Variants in SPON2 observed in about 807,000 individuals in gnomAD.
SPON2 encodes the protein spondin-2.
SPON2 carries 32 observed loss-of-function variants against 29.9 expected under a neutral mutation model. That is an observed-to-expected ratio of 1.07 (90% confidence interval 0.81 to 1.44). The LOEUF is 1.44. Among genes scored for constraint, SPON2 ranks in the 40% most tolerant of loss-of-function variants. The pLI, the probability that SPON2 is intolerant of heterozygous loss-of-function variation, is 0.00. For missense variants in SPON2, 541 were observed against 455.5 expected (o/e 1.19, Z -1.71); for synonymous variants, 248 against 209.1 (o/e 1.19, Z -1.61).
At chr4:1,190,645 G>T (rs1481918943) in intron 1 of SPON2, among the ~76,000 whole-genome samples, 1 of 152,188 alleles carries the variant, frequency 6.6e-6, no homozygotes. Context: ...ATTAGAGGCA[G>T]CCAGGTTGGC....
chr4:1,194,616 C>A (rs372853591), intron 1 of SPON2, among the ~76,000 whole-genome samples: 1 of 152,178 alleles, frequency 6.6e-6, no homozygotes, highest in Non-Finnish European at 1.5e-5. Context: ...CGGGAAGAGT[C>A]CCCCTGCTCT....
chr4:1,186,640 A>T (rs1243111062), intron 1 of SPON2, among the ~76,000 whole-genome samples: 1 of 152,182 alleles, frequency 6.6e-6, no homozygotes, highest in African/African-American at 2.4e-5. Flanking sequence ...TTATCTGATA[A>T]GGCACTAATA....
upstream of SPON2, chr4:1,208,788 C>T (rs987040509): frequency 3.3e-5 from 5 of 152,342 alleles, no homozygotes; most frequent in African/African-American, 1.2e-4. Context: ...CTGGTTTTAC[C>T]CATGAGGGGG....
intron 2 of SPON2, among the ~76,000 whole-genome samples, chr4:1,178,376 C>T (rs1157109857): frequency 6.6e-6 from 1 of 151,846 alleles, no homozygotes; most frequent in Non-Finnish European, 1.5e-5. Context: ...GATGGGGCCA[C>T]ATGGTCCAGT....
At chr4:1,206,396 C>T (rs540277459) in intron 1 of SPON2, among the ~76,000 whole-genome samples, 7 of 152,362 alleles carry the variant, frequency 4.6e-5, no homozygotes, top group Admixed American at 6.5e-5. Context: ...GGCCCCACCA[C>T]TGCTCTGCCA....
In SPON2 at chr4:1,204,730, G is replaced by A. The variant is rs144185900; in HGVS notation, c.-234+3150C>T. Among the ~76,000 whole-genome samples, 29 of 152,322 alleles carry A rather than the reference G, an allele frequency of 1.9e-4. No homozygotes were observed. The East Asian group carries it at 4.8e-3, about 25-fold the overall frequency. On this transcript the variant is annotated intron_variant, in intron 1 of 3. Coordinates refer to the SPON2 transcript ENST00000509233. ...CCCCGCTGTGGCAGCCGGCCAGCAC[G>A]AGGGACGGCACCTCGTGACGCCCAG...
At chr4:1,201,066 A>G (rs1728191027) in intron 1 of SPON2, 1 of 452,218 alleles carries the variant, frequency 2.2e-6, no homozygotes, top group African/African-American at 2.0e-5. Flanking sequence ...TCCCACCCTG[A>G]CGAGGTTGGC....
upstream of SPON2, among the ~76,000 whole-genome samples, chr4:1,175,568 G>A (rs1032929022): frequency 6.6e-6 from 1 of 151,570 alleles, no homozygotes; most frequent in Non-Finnish European, 1.5e-5. Flanking sequence ...CAGGCTGTGT[G>A]GGGGGAGTCT....
At chr4:1,190,897 G>T (rs767790056) in intron 1 of SPON2, among the ~76,000 whole-genome samples, 8 of 152,060 alleles carry the variant, frequency 5.3e-5, no homozygotes, top group Non-Finnish European at 8.8e-5. Flanking sequence ...TTCAATCAAA[G>T]AAGTACACAA....
At chr4:1,198,899 G>C (rs541112599), upstream of SPON2, 1 of 152,008 alleles carries the variant, frequency 6.6e-6, no homozygotes, top group Non-Finnish European at 1.5e-5. Flanking sequence ...GGCCAAGATC[G>C]TTCTACGTGG....
chr4:1,195,340 G>T (rs1728040661), upstream of SPON2, among the ~76,000 whole-genome samples: 1 of 152,152 alleles, frequency 6.6e-6, no homozygotes, highest in Admixed American at 6.5e-5. Context: ...ACTCCCACAG[G>T]CAACAGGACC....
chr4:1,167,494 C>T lies in SPON2; in HGVS notation c.974G>A (p.Cys325Tyr). ...PCPELEEEAE[C>Y]VPDNCV ...GTCTTAGACGCAGTTATCAGGGACG[C>T]ACTCAGCCTCTTCTTCGAGCTCGGG... Residue 325 changes from cysteine (C) to tyrosine (Y), a missense_variant, in exon 6 of 6, where the codon TGC becomes TAC. Transcript: ENST00000290902. 1.2e-6 allele frequency: 2 copies of T among 1,613,636 alleles called. No homozygotes were observed. Among genetic ancestry groups the T allele is most frequent in the Non-Finnish European group, 1.7e-6 (2 of 1,179,922 alleles).
intron 1 of SPON2, among the ~76,000 whole-genome samples, chr4:1,180,208 T>C (rs1456859326): frequency 6.6e-6 from 1 of 152,188 alleles, no homozygotes; most frequent in African/African-American, 2.4e-5. Context: ...AAGCATTCTC[T>C]AATGCATAGA....
upstream of SPON2, among the ~76,000 whole-genome samples, chr4:1,175,050 G>T (rs192234478): frequency 1.3e-4 from 20 of 152,352 alleles, no homozygotes; most frequent in East Asian, 3.7e-3. Context: ...ACTGGCAGCC[G>T]CTGCTCAGAG....
At position 1,172,046 on chromosome 4, in the gene SPON2, G is replaced by T. The variant is rs1445533675; in HGVS notation, c.26C>A (p.Ala9Asp). Reference protein sequence around the residue: MENPSPAAALGKALCALLL... With the variant: MENPSPAADLGKALCALLL... ...GAGAGCGCAGAGGGCCTTGCCCAGGGCGGCGGCCGGGCTGGGGTTTTCCAT... is the reference window on the plus strand; with the variant it reads ...GAGAGCGCAGAGGGCCTTGCCCAGGTCGGCGGCCGGGCTGGGGTTTTCCAT... Residue 9 changes from alanine to aspartate, a missense_variant, in exon 2 of 6, where the codon GCC becomes GAC. Physicochemically the swap from Ala to Asp is moderately radical, Grantham distance 126 (BLOSUM62 -2). Coordinates refer to ENST00000290902, the MANE Select transcript of SPON2 (RefSeq NM_012445.4). The T allele has an allele frequency of 1.2e-6, 2 of 1,612,020 alleles. No homozygotes were observed. Among genetic ancestry groups the T allele is most frequent in the South Asian group, 1.1e-5 (1 of 91,008 alleles).
At chr4:1,197,781 G>C (rs1728101469), upstream of SPON2, among the ~76,000 whole-genome samples, 1 of 152,194 alleles carries the variant, frequency 6.6e-6, no homozygotes, top group Non-Finnish European at 1.5e-5. Context: ...GGGCGTGGTG[G>C]CTCACGCCTG....
intron 1 of SPON2, among the ~76,000 whole-genome samples, chr4:1,185,982 C>A (rs746127726): frequency 6.6e-6 from 1 of 151,686 alleles, no homozygotes; most frequent in Non-Finnish European, 1.5e-5. Context: ...TGGTGGCTCA[C>A]GCCTGTAATC....
At chr4:1,168,578 C>T (rs1339602475) in intron 5 of SPON2, among the ~76,000 whole-genome samples, 1 of 152,220 alleles carries the variant, frequency 6.6e-6, no homozygotes, top group Non-Finnish European at 1.5e-5. Context: ...TTCGCAGGGG[C>T]ACTGGTGTAG....
At chr4:1,174,775 T>C (rs114878813), upstream of SPON2, among the ~76,000 whole-genome samples, 731 of 152,340 alleles carry the variant, frequency 4.8e-3, 7 homozygotes, top group African/African-American at 0.016. Context: ...ATCTTTGTAT[T>C]GTCCGGCTTA....
Sources: allele counts gnomAD v4.1 joint callset (sites outside exome capture counted in the v4.1 genomes callset), GRCh38; gene constraint gnomAD v4.1.1; transcripts MANE v1.5; gene names NCBI Gene and HGNC (gene_info 2026-07-23, HGNC 2026-07-21).